TEAD1: variants seen among roughly 807,000 people sequenced by gnomAD.
TEAD1 encodes the protein TEA domain transcription factor 1.
In TEAD1, 9 loss-of-function variants were observed where a neutral mutation model predicts 54.9. That is an observed-to-expected ratio of 0.16 (90% CI 0.10 to 0.29). The LOEUF is 0.29. Ranked by LOEUF, TEAD1 falls within the 10% of genes least tolerant of loss-of-function variation. The pLI, the probability that TEAD1 is intolerant of heterozygous loss-of-function variation, is 1.00. For missense variants in TEAD1, 387 were observed against 535.9 expected (o/e 0.72, Z 2.74); for synonymous variants, 200 against 187.8 (o/e 1.07, Z -0.53).
At chr11:12,815,143 C>T (rs929258029) in intron 3 of TEAD1, among the ~76,000 whole-genome samples, 1 of 152,086 alleles carries the variant, frequency 6.6e-6, no homozygotes, top group African/African-American at 2.4e-5. Context: ...GTTCCAGAGC[C>T]CCTGTCCCCA....
At position 12,862,575 on chromosome 11, in the gene TEAD1, G is replaced by T. The variant is rs1947527857; in HGVS notation, c.267+261G>T. Among the ~76,000 whole-genome samples, 3 of 152,182 alleles carry T rather than the reference G, an allele frequency of 2.0e-5. No individual in the cohort carries two copies. The South Asian group carries it at 6.2e-4, about 32-fold the overall frequency. On this transcript the variant is annotated intron_variant, in intron 4 of 12. Coordinates refer to ENST00000527636, the MANE Select transcript of TEAD1 (RefSeq NM_021961.6). Reference sequence around the variant, plus strand: ...TAAGGACGGTGTATGAACCGCTCCTGTACTGTATTTCAAAGCTGACATTTC... The same window carrying T: ...TAAGGACGGTGTATGAACCGCTCCTTTACTGTATTTCAAAGCTGACATTTC...
At chr11:12,739,222 GTCTATCTA>G (rs71037086) in intron 2 of TEAD1, among the ~76,000 whole-genome samples, 4 of 115,082 alleles carry the variant, frequency 3.5e-5, no homozygotes, top group Admixed American at 8.0e-5. Context: ...CTATCTATCT[GTCTATCTA>G]TCTATCTATC....
intron 2 of TEAD1, among the ~76,000 whole-genome samples, chr11:12,720,349 A>G (rs1477546850): frequency 6.6e-6 from 1 of 152,186 alleles, no homozygotes; most frequent in East Asian, 1.9e-4. Flanking sequence ...TGCAGAACAT[A>G]TAGATACATA....
At chr11:12,675,065 C>G (rs1395465374) in intron 1 of TEAD1, among the ~76,000 whole-genome samples, 4 of 146,222 alleles carry the variant, frequency 2.7e-5, no homozygotes, top group Non-Finnish European at 6.1e-5. Context: ...CAAGTTGGGC[C>G]GCGCGCTGGG....
chr11:12,912,288 G>C (rs1049821515), intron 10 of TEAD1, among the ~76,000 whole-genome samples: 2 of 152,172 alleles, frequency 1.3e-5, no homozygotes, highest in African/African-American at 2.4e-5. Flanking sequence ...CATGTGGGCA[G>C]GTGAACAACA....
chr11:12,856,130 CTTTT>C (rs60226571), intron 3 of TEAD1, among the ~76,000 whole-genome samples: 11 of 140,900 alleles, frequency 7.8e-5, no homozygotes, highest in South Asian at 4.6e-4. Context: ...TATCTTCTTC[CTTTT>C]TTTTTTTTTT....
intron 10 of TEAD1, among the ~76,000 whole-genome samples, chr11:12,916,762 G>A (rs1948720955): frequency 6.6e-6 from 1 of 152,196 alleles, no homozygotes; most frequent in African/African-American, 2.4e-5. Flanking sequence ...GGACTGGATG[G>A]GATGAGTGGA....
At chr11:12,864,811 G>A (rs772370108) in intron 4 of TEAD1, 27 bp from the exon 5 acceptor site, 1 of 1,613,884 alleles carries the variant, frequency 6.2e-7, no homozygotes, top group Non-Finnish European at 8.5e-7. Context: ...CTTTTCCTTT[G>A]TTTTCCTCCC....
At chr11:12,729,877 A>G (rs1009774424) in intron 2 of TEAD1, among the ~76,000 whole-genome samples, 4 of 152,164 alleles carry the variant, frequency 2.6e-5, no homozygotes, top group African/African-American at 9.7e-5. Context: ...CCCTGAGGAA[A>G]GGGTTTGCCC....
At chr11:12,734,242 TAAGAA>T (rs773480428) in intron 2 of TEAD1, among the ~76,000 whole-genome samples, 8 of 151,264 alleles carry the variant, frequency 5.3e-5, no homozygotes, top group Admixed American at 1.3e-4. Context: ...AAGTAAAAAA[TAAGAA>T]AAGAAAAAAA....
chr11:12,735,562 ATTT>A (rs58093822), intron 2 of TEAD1, among the ~76,000 whole-genome samples: 5 of 121,008 alleles, frequency 4.1e-5, no homozygotes, highest in African/African-American at 3.0e-5. Context: ...TCCTGGTTCG[ATTT>A]TTTTTTTTTT....
chr11:12,813,409 T>C (rs1318100968), intron 3 of TEAD1, among the ~76,000 whole-genome samples: 1 of 152,198 alleles, frequency 6.6e-6, no homozygotes, highest in East Asian at 1.9e-4. Flanking sequence ...ATGAGCACTG[T>C]GGATCATCTT....
intron 3 of TEAD1, among the ~76,000 whole-genome samples, chr11:12,821,379 A>G (rs180991420): frequency 6.6e-6 from 1 of 152,330 alleles, no homozygotes; most frequent in Non-Finnish European, 1.5e-5. Context: ...ATCATTAATA[A>G]TGTTTAATTG....
Position 12,941,649 on chromosome 11 carries a change from G to A in TEAD1, c.*4427G>A, listed in dbSNP as rs1271603655. On this transcript the variant is annotated 3_prime_UTR_variant, in exon 13 of 13. Coordinates refer to ENST00000527636, the MANE Select transcript of TEAD1 (RefSeq NM_021961.6). Reference sequence around the variant, plus strand: ...GTGTTCACACCTGTAACATTAGGAGGATATGTCTGCATTGCTTATTTCTTT... The same window carrying A: ...GTGTTCACACCTGTAACATTAGGAGAATATGTCTGCATTGCTTATTTCTTT... 1 of 152,612 alleles carries A rather than the reference G, an allele frequency of 6.6e-6. No individual in the cohort carries two copies. The highest frequency in any genetic ancestry group is 2.1e-4 in the South Asian group (1 of 4,828). The allele number at this position is 152,612 out of a possible 1,614,324, so 9.5% of individuals were successfully genotyped here.
intron 9 of TEAD1, among the ~76,000 whole-genome samples, chr11:12,899,998 A>G (rs141405455): frequency 6.6e-6 from 1 of 152,360 alleles, no homozygotes; most frequent in African/African-American, 2.4e-5. Context: ...GATATATTTC[A>G]TAGGGTTTTG....
intron 3 of TEAD1, among the ~76,000 whole-genome samples, chr11:12,786,952 CAT>C (rs1266834040): frequency 2.6e-5 from 4 of 152,302 alleles, no homozygotes; most frequent in Non-Finnish European, 4.4e-5. Flanking sequence ...GGGCATGCCT[CAT>C]GTGTTTGAGG....
rs1367028108 is a variant in TEAD1, at chr11:12,864,920, T to G, written c.330+20T>G. 1.2e-6 allele frequency: 2 copies of G among 1,614,050 alleles called. No homozygotes were observed. ...CTAAAGGTATGCGCTTTTCTGCTTT[T>G]TGGCTTGTGGTTGCTATGCATCTCA... is the stretch of plus-strand genomic sequence containing the variant. On this transcript the variant is annotated intron_variant, in intron 5 of 12. Coordinates refer to ENST00000527636, the MANE Select transcript of TEAD1 (RefSeq NM_021961.6).
chr11:12,824,626 C>T (rs889248593), intron 3 of TEAD1, among the ~76,000 whole-genome samples: 1 of 152,192 alleles, frequency 6.6e-6, no homozygotes, highest in African/African-American at 2.4e-5. Context: ...TGAGAGCTCC[C>T]ACTGGAGGCT....
At chr11:12,707,114 CTTTTTTTTTTTT>C (rs11366620) in intron 2 of TEAD1, among the ~76,000 whole-genome samples, 4 of 76,282 alleles carry the variant, frequency 5.2e-5, no homozygotes, top group African/African-American at 2.1e-4. Flanking sequence ...ACTTGTGGGA[CTTTTTTTTTTTT>C]TTTTTTTTTT....
Sources: allele counts gnomAD v4.1 joint callset (sites outside exome capture counted in the v4.1 genomes callset), GRCh38; gene constraint gnomAD v4.1.1; transcripts MANE v1.5; gene names NCBI Gene and HGNC (gene_info 2026-07-23, HGNC 2026-07-21).